The following OTOL1 variants were observed in gnomAD, a reference collection of about 807,000 sequenced individuals.
OTOL1 encodes the protein otolin-1.
In OTOL1, 31 loss-of-function variants were observed where a neutral mutation model predicts 25.0. The ratio of observed to expected loss-of-function variants is 1.24; its 90% CI spans 0.93 to 1.67. The LOEUF (loss-of-function observed/expected upper bound fraction) is 1.67, where lower values mean the gene tolerates loss of function less well. OTOL1 is among the 40% of genes most tolerant of loss of function. The probability of loss-of-function intolerance (pLI) is 0.00; values close to 1 mark genes in which losing one functional copy is unlikely to be tolerated. For missense variants in OTOL1, 654 were observed against 587.7 expected (o/e 1.11, Z -1.17); for synonymous variants, 225 against 210.3 (o/e 1.07, Z -0.61).
At chr3:161,501,155 T>C (rs1030718775) in intron 2 of OTOL1, among the ~76,000 whole-genome samples, 1 of 152,188 alleles carries the variant, frequency 6.6e-6, no homozygotes, top group South Asian at 2.1e-4. Context: ...CTATAAACTT[T>C]TGTGAATTTG....
intron 2 of OTOL1, among the ~76,000 whole-genome samples, chr3:161,500,582 G>A (rs1158090581): frequency 6.6e-6 from 1 of 152,062 alleles, no homozygotes; most frequent in Non-Finnish European, 1.5e-5. Context: ...AAAATGAGTT[G>A]AATGATTCCA....
rs986597459 is a variant in OTOL1, at chr3:161,497,252, C to T, written c.364+81C>T. 1.7e-5 allele frequency: 26 copies of T among 1,489,590 alleles called. No homozygotes were observed. In the Admixed American group the frequency reaches 3.4e-4, roughly 19 times the overall value. 92.3% of individuals were successfully genotyped at this position (1,489,590 alleles called of 1,614,324 possible). ...GGTAGGTTGTCGGGTGAAATTGCCC[C>T]AGGAGTTTCTACGTTGTTATGCAAA... On this transcript the variant is annotated intron_variant, in intron 1 of 3. Transcript: ENST00000327928.
rs1288325294 is a variant in OTOL1, at chr3:161,503,679, T to C, written c.1171T>C (p.Ser391Pro). Residue 391 changes from serine to proline, a missense_variant, in exon 4 of 4, where the codon TCC becomes CCC. Ser to Pro is a moderately conservative substitution (Grantham distance 74). Coordinates refer to ENST00000327928, the MANE Select transcript of OTOL1 (RefSeq NM_001080440.1). ...NCSIPGTYVF[S>P]YHITVRGRPA... ...CTCTATTCCTGGGACATATGTTTTT[T>C]CCTACCATATTACGGTGAGGGGGCG... 13 of 1,613,776 alleles carry C rather than the reference T, an allele frequency of 8.1e-6. No homozygotes were observed. The highest frequency in any genetic ancestry group is 1.1e-5 in the Non-Finnish European group (13 of 1,179,806).
intron 3 of OTOL1, 34 bp from the exon 4 acceptor site, chr3:161,502,992 G>A: frequency 7.7e-7 from 1 of 1,299,892 alleles, no homozygotes; most frequent in Non-Finnish European, 9.9e-7. Flanking sequence ...TGGCCTATGT[G>A]ATCCTTAAAC....
At chr3:161,499,302 A>T in intron 2 of OTOL1, 42 bp downstream of exon 2, 1 of 1,468,402 alleles carries the variant, frequency 6.8e-7, no homozygotes, top group African/African-American at 1.4e-5. Flanking sequence ...GACATTCTGC[A>T]TCATTTTTCA....
At position 161,503,233 on chromosome 3, in the gene OTOL1, G is replaced by A. The variant is rs1162852560; in HGVS notation, c.725G>A (p.Gly242Asp). 6 of 1,457,002 alleles carry A rather than the reference G, an allele frequency of 4.1e-6. No homozygotes were observed. Among genetic ancestry groups the A allele is most frequent in the Admixed American group, 2.8e-5 (1 of 35,274 alleles). 90.3% of individuals were successfully genotyped at this position (1,457,002 alleles called of 1,614,324 possible). A position where few individuals can be genotyped will look rare whatever the true frequency, so the allele number is the denominator to read the frequency against. Residue 242 changes from glycine (G) to aspartate (D), a missense_variant, in exon 4 of 4, where the codon GGC (glycine) becomes GAC (aspartate). Coordinates refer to ENST00000327928, the MANE Select transcript of OTOL1 (RefSeq NM_001080440.1). Reference protein sequence around the residue: ...MGEKGEMGDKGCCGDSGERGG... With the variant: ...MGEKGEMGDKDCCGDSGERGG... ...GAGAAGGGGGAGATGGGGGATAAGG[G>A]CTGCTGTGGAGATTCTGGGGAGAGG...
Position 161,496,838 on chromosome 3 carries a change from T to C in OTOL1, c.31T>C (p.Leu11=). Residue 11 remains leucine (L), a synonymous_variant, in exon 1 of 4, where the codon TTA becomes CTA. Coordinates refer to ENST00000327928, the MANE Select transcript of OTOL1 (RefSeq NM_001080440.1). MWMFSWLCAI[L]IILAIAGMNT... is the part of the protein sequence containing the mutation. ...GATGTTTTCTTGGCTTTGTGCTATT[T>C]TAATTATTTTGGCTATTGCTGGTAT... 6.3e-7 allele frequency: 1 copy of C among 1,594,500 alleles called. No homozygotes were observed. The highest frequency in any genetic ancestry group is 1.1e-5 in the South Asian group (1 of 87,272).
intron 2 of OTOL1, among the ~76,000 whole-genome samples, chr3:161,499,910 C>T (rs1349801838): frequency 6.6e-6 from 1 of 152,030 alleles, no homozygotes; most frequent in Admixed American, 6.6e-5. Context: ...TTATGAGTGG[C>T]TTTATAGCTC....
In OTOL1 at chr3:161,503,938, C is replaced by A. The variant is rs202021352; in HGVS notation, c.1430C>A (p.Pro477Gln). 480 of 1,609,126 alleles carry A rather than the reference C, an allele frequency of 3.0e-4. No individual in the cohort carries two copies. The highest frequency in any genetic ancestry group is 8.5e-4 in the Admixed American group (51 of 59,706). ...CCAGAGGAAACTTCTGGAATTTCAC[C>A]ATAAATTTGTGTCCTGAATCCTGTA... ...LYPEETSGIS[P>Q] is the part of the protein sequence containing the mutation. The change falls in exon 4 of 4, where the codon CCA becomes CAA. Residue 477 changes from proline to glutamine, a missense_variant. Pro to Gln is a moderately conservative substitution (Grantham distance 76). Coordinates refer to ENST00000327928, the MANE Select transcript of OTOL1 (RefSeq NM_001080440.1).
intron 2 of OTOL1, among the ~76,000 whole-genome samples, chr3:161,499,732 C>T (rs966730306): frequency 4.6e-5 from 7 of 152,112 alleles, no homozygotes; most frequent in African/African-American, 1.2e-4. Context: ...CCTTGGCTCA[C>T]TCTGAAATCA....
rs778415036 is a variant in OTOL1 at position 161,503,075 on chromosome 3, G to T, written c.567G>T (p.Val189=). 1.5e-5 allele frequency: 21 copies of T among 1,391,932 alleles called. No homozygotes were observed. The highest frequency in any genetic ancestry group is 1.9e-4 in the Middle Eastern group (1 of 5,334). 86.2% of individuals were successfully genotyped at this position (1,391,932 alleles called of 1,614,324 possible). ...GDKGNIGLGG[V]KGQKGSKGDT... The stretch of plus-strand genomic sequence containing the variant: ...AAGGAAACATTGGTTTGGGAGGAGT[G>T]AAAGGACAAAAAGGCTCCAAGGGAG... The change falls in exon 4 of 4, where the codon GTG becomes GTT. Residue 189 remains valine (V), a synonymous_variant. Transcript: ENST00000327928.
In OTOL1 at chr3:161,497,131, A is replaced by C. The variant is rs1002960029; in HGVS notation, c.324A>C (p.Val108=). 8 of 1,613,276 alleles carry C rather than the reference A, an allele frequency of 5.0e-6. No individual in the cohort carries two copies. Among genetic ancestry groups the C allele is most frequent in the Non-Finnish European group, 6.8e-6 (8 of 1,179,418 alleles). The part of the protein sequence containing the change: ...FLNCCDCCSP[V]PGQKGEPGET... ...ATTGTTGTGATTGTTGTTCACCTGT[A>C]CCCGGGCAGAAAGGAGAACCTGGAG... The change falls in exon 1 of 4, where the codon GTA becomes GTC. Residue 108 remains valine (V), a synonymous_variant. Coordinates refer to ENST00000327928, the MANE Select transcript of OTOL1 (RefSeq NM_001080440.1).
In OTOL1 at chr3:161,503,278, G is replaced by A; in HGVS notation, c.770G>A (p.Gly257Asp). ...GAGAGGGGAGGAAAAGGACAGAAAG[G>A]TGAGGGGGGTATGAAAGGGGAAAAA... ...SGERGGKGQK[G>D]EGGMKGEKGS... is the part of the protein sequence containing the mutation. Residue 257 changes from glycine (G) to aspartate (D), a missense_variant, in exon 4 of 4, where the codon GGT (glycine) becomes GAT (aspartate). By Grantham distance (94) the Gly-to-Asp change is moderately conservative. Coordinates refer to ENST00000327928, the MANE Select transcript of OTOL1 (RefSeq NM_001080440.1). The A allele has an allele frequency of 6.7e-7, 1 of 1,484,588 alleles. No individual in the cohort carries two copies. The highest frequency in any genetic ancestry group is 8.9e-7 in the Non-Finnish European group (1 of 1,119,040). 92.0% of individuals were successfully genotyped at this position (1,484,588 alleles called of 1,614,324 possible).
rs781766276 is a variant in OTOL1 at position 161,496,808 on chromosome 3, ATGTGGATGTTTTCTTGGCTT to A, written c.6_25del (p.Trp2_?9). The A allele has an allele frequency of 6.4e-7, 1 of 1,563,288 alleles. No homozygotes were observed. Among genetic ancestry groups the A allele is most frequent in the Non-Finnish European group, 8.6e-7 (1 of 1,157,242 alleles). ...TTATATCTTTCTTCCAGCTTCAAAT[ATGTGGATGTTTTCTTGGCTT>A]TGTGCTATTTTAATTATTTTGGCTA... On this transcript the variant is annotated frameshift_variant and start_lost, in exon 1 of 4. Transcript: ENST00000327928. LOFTEE classifies it high-confidence loss of function.
In OTOL1 at chr3:161,496,890, A is replaced by C. The variant is rs776365715; in HGVS notation, c.83A>C (p.His28Pro). 16 of 1,613,098 alleles carry C rather than the reference A, an allele frequency of 9.9e-6. No homozygotes were observed. The South Asian group carries it at 1.8e-4, about 18-fold the overall frequency. Residue 28 changes from histidine to proline, a missense_variant, in exon 1 of 4, where the codon CAT becomes CCT. Physicochemically the swap from His to Pro is moderately conservative, Grantham distance 77 (BLOSUM62 -2). Transcript: ENST00000327928. Reference sequence around the variant, plus strand: ...AACACAATAGCAAAGACCACACCACATACCAAATTTACGAAGAAATCTGAG... The same window carrying C: ...AACACAATAGCAAAGACCACACCACCTACCAAATTTACGAAGAAATCTGAG... ...GMNTIAKTTPHTKFTKKSEER... is the reference protein window; with the variant it reads ...GMNTIAKTTPPTKFTKKSEER...
At chr3:161,501,080 T>C (rs1208977836) in intron 2 of OTOL1, among the ~76,000 whole-genome samples, 1 of 152,206 alleles carries the variant, frequency 6.6e-6, no homozygotes, top group African/African-American at 2.4e-5. Context: ...TTTTCATATC[T>C]CAGCTTCTTT....
intron 2 of OTOL1, among the ~76,000 whole-genome samples, chr3:161,499,926 A>G (rs896640877): frequency 6.6e-6 from 1 of 152,136 alleles, no homozygotes; most frequent in Non-Finnish European, 1.5e-5. Context: ...AGCTCTTTTC[A>G]AGCTCAGAAA....
Position 161,503,534 on chromosome 3 carries a change from G to T in OTOL1, c.1026G>T (p.Arg342=). The change falls in exon 4 of 4, where the codon CGG becomes CGT. Residue 342 remains arginine (R), a synonymous_variant. Transcript: ENST00000327928. ...GSKGELARVP[R]SAFSAGLSKP... The stretch of plus-strand genomic sequence containing the variant: ...AGGGTGAGTTGGCTAGAGTGCCCCG[G>T]TCGGCTTTCAGCGCTGGTTTGTCAA... 1 of 1,613,842 alleles carries T rather than the reference G, an allele frequency of 6.2e-7. No homozygotes were observed. The highest frequency in any genetic ancestry group is 1.7e-5 in the Admixed American group (1 of 60,014).
chr3:161,501,839 TA>T (rs1257529409), intron 2 of OTOL1, among the ~76,000 whole-genome samples: 1 of 152,116 alleles, frequency 6.6e-6, no homozygotes, highest in Non-Finnish European at 1.5e-5. Context: ...TAAAATAGTT[TA>T]CCAGTTGAAA....
Sources: allele counts gnomAD v4.1 joint callset (sites outside exome capture counted in the v4.1 genomes callset), GRCh38; gene constraint gnomAD v4.1.1; transcripts MANE v1.5; gene names NCBI Gene and HGNC (gene_info 2026-07-23, HGNC 2026-07-21).